OR5AK2: variants seen among roughly 807,000 people sequenced by gnomAD.
OR5AK2 encodes olfactory receptor 5AK2.
For synonymous variants in OR5AK2, 176 were observed against 128.2 expected, an observed-to-expected ratio of 1.37 and a Z score of -2.52; for missense variants, 438 against 366.3, an observed-to-expected ratio of 1.20 and a Z score of -1.60.
Position 56,988,953 on chromosome 11 carries a change from C to A in OR5AK2, c.40C>A (p.Leu14Ile), listed in dbSNP as rs1253801139. 6.2e-7 allele frequency: 1 copy of A among 1,612,676 alleles called. No individual in the cohort carries two copies. The highest frequency in any genetic ancestry group is 1.7e-5 in the Admixed American group (1 of 59,892). The change falls in exon 1 of 1, where the codon CTT becomes ATT. Residue 14 changes from leucine to isoleucine, a missense_variant. Leu to Ile is a conservative substitution (Grantham distance 5, BLOSUM62 2). Transcript: ENST00000326855. ...CAGCACTGAAGTCACTGAATTCTAT[C>A]TTCTGGGATTTGGTGCCCAGCATGA... The part of the protein sequence containing the change: ...GNSTEVTEFY[L>I]LGFGAQHEFW...
At position 56,989,325 on chromosome 11, in the gene OR5AK2, C is replaced by G. The variant is rs199648574; in HGVS notation, c.412C>G (p.Arg138Gly). The G allele has an allele frequency of 1.2e-6, 2 of 1,614,108 alleles. No individual in the cohort carries two copies. Among genetic ancestry groups the G allele is most frequent in the Non-Finnish European group, 1.7e-6 (2 of 1,179,998 alleles). The stretch of plus-strand genomic sequence containing the variant: ...CCTTCACTATACTGTAATCATGTCC[C>G]GAACAGTCTGCATCCGTTTGGTAGC... ...KPLHYTVIMS[R>G]TVCIRLVAGS... The change falls in exon 1 of 1, where the codon CGA (arginine) becomes GGA (glycine). Residue 138 changes from arginine to glycine, a missense_variant. Transcript: ENST00000326855.
Position 56,989,094 on chromosome 11 carries a change from T to G in OR5AK2, c.181T>G (p.Phe61Val), listed in dbSNP as rs774825321. The G allele has an allele frequency of 6.2e-7, 1 of 1,614,040 alleles. No homozygotes were observed. The highest frequency in any genetic ancestry group is 1.7e-5 in the Admixed American group (1 of 60,016). The change falls in exon 1 of 1, where the codon TTT (phenylalanine) becomes GTT (valine). Residue 61 changes from phenylalanine (F) to valine (V), a missense_variant. Coordinates refer to ENST00000326855, the MANE Select transcript of OR5AK2 (RefSeq NM_001005323.1). ...TTCCAGATTTCAAACACTCACGTAC[T>G]TTTTTCTACAACATTTGGCTTTTGT... ...TDSRFQTLTY[F>V]FLQHLAFVDI...
rs762434222 is a variant in OR5AK2, at chr11:56,989,668, A to G, written c.755A>G (p.Tyr252Cys). Residue 252 changes from tyrosine to cysteine, a missense_variant, in exon 1 of 1, where the codon TAT becomes TGT. Physicochemically the swap from Tyr to Cys is radical, Grantham distance 194. Coordinates refer to ENST00000326855, the MANE Select transcript of OR5AK2 (RefSeq NM_001005323.1). ...CACCTGACCGCAGTCACCATTTTCT[A>G]TGGGACACTCTCTTACATGTATTTG... ...ASHLTAVTIFYGTLSYMYLQS... is the reference protein window; with the variant it reads ...ASHLTAVTIFCGTLSYMYLQS... 2 of 1,614,084 alleles carry G rather than the reference A, an allele frequency of 1.2e-6. No homozygotes were observed. The highest frequency in any genetic ancestry group is 1.7e-5 in the Admixed American group (1 of 60,018).
rs756992931 is a variant in OR5AK2 at position 56,989,111 on chromosome 11, G to T, written c.198G>T (p.Leu66Phe). 21 of 1,613,700 alleles carry T rather than the reference G, an allele frequency of 1.3e-5. No homozygotes were observed. Among genetic ancestry groups the T allele is most frequent in the Non-Finnish European group, 1.6e-5 (19 of 1,179,792 alleles). Residue 66 changes from leucine to phenylalanine, a missense_variant, in exon 1 of 1, where the codon TTG becomes TTT. Coordinates refer to ENST00000326855, the MANE Select transcript of OR5AK2 (RefSeq NM_001005323.1). ...QTLTYFFLQH[L>F]AFVDICYTSA... ...TCACGTACTTTTTTCTACAACATTT[G>T]GCTTTTGTTGATATCTGTTACACTT...
rs762931937 is a variant in OR5AK2 at position 56,989,685 on chromosome 11, A to G, written c.772A>G (p.Met258Val). The G allele has an allele frequency of 1.4e-5, 22 of 1,614,066 alleles. No homozygotes were observed. The highest frequency in any genetic ancestry group is 1.7e-5 in the Admixed American group (1 of 60,012). The change falls in exon 1 of 1, where the codon ATG becomes GTG. Residue 258 changes from methionine (M) to valine (V), a missense_variant. Met to Val is a conservative substitution (Grantham distance 21, BLOSUM62 1). Transcript: ENST00000326855. The stretch of plus-strand genomic sequence containing the variant: ...CATTTTCTATGGGACACTCTCTTAC[A>G]TGTATTTGCAGTCTCATTCTAATAA... Reference protein sequence around the residue: ...VTIFYGTLSYMYLQSHSNNSQ... With the variant: ...VTIFYGTLSYVYLQSHSNNSQ...
In OR5AK2 at chr11:56,989,103, C is replaced by G; in HGVS notation, c.190C>G (p.Gln64Glu). The stretch of plus-strand genomic sequence containing the variant: ...TCAAACACTCACGTACTTTTTTCTA[C>G]AACATTTGGCTTTTGTTGATATCTG... ...RFQTLTYFFL[Q>E]HLAFVDICYT... Residue 64 changes from glutamine to glutamate, a missense_variant, in exon 1 of 1, where the codon CAA becomes GAA. Physicochemically the swap from Gln to Glu is conservative, Grantham distance 29 (BLOSUM62 2). Coordinates refer to ENST00000326855, the MANE Select transcript of OR5AK2 (RefSeq NM_001005323.1). 3 of 1,613,930 alleles carry G rather than the reference C, an allele frequency of 1.9e-6. No homozygotes were observed. Among genetic ancestry groups the G allele is most frequent in the Non-Finnish European group, 2.5e-6 (3 of 1,179,830 alleles).
rs754799742 is a variant in OR5AK2, at chr11:56,989,690, T to A, written c.777T>A (p.Tyr259Ter). The change falls in exon 1 of 1, where the codon TAT (tyrosine) becomes TAA (stop). Residue 259 changes from tyrosine to a stop codon, truncating the protein, a stop_gained. Coordinates refer to ENST00000326855, the MANE Select transcript of OR5AK2 (RefSeq NM_001005323.1). LOFTEE classifies it low-confidence loss of function (END_TRUNC). The stretch of plus-strand genomic sequence containing the variant: ...TCTATGGGACACTCTCTTACATGTA[T>A]TTGCAGTCTCATTCTAATAATTCCC... Reference protein sequence around the residue: ...TIFYGTLSYMYLQSHSNNSQE... With the variant: ...TIFYGTLSYM 3 of 1,614,066 alleles carry A rather than the reference T, an allele frequency of 1.9e-6. No individual in the cohort carries two copies. The highest frequency in any genetic ancestry group is 2.5e-6 in the Non-Finnish European group (3 of 1,179,932).
In OR5AK2 at chr11:56,989,331, G is replaced by C. The variant is rs751934492; in HGVS notation, c.418G>C (p.Val140Leu). The C allele has an allele frequency of 6.2e-7, 1 of 1,614,106 alleles. No individual in the cohort carries two copies. ...LHYTVIMSRT[V>L]CIRLVAGSYI... is the part of the protein sequence containing the mutation. ...CTATACTGTAATCATGTCCCGAACA[G>C]TCTGCATCCGTTTGGTAGCTGGTTC... Residue 140 changes from valine (V) to leucine (L), a missense_variant, in exon 1 of 1, where the codon GTC becomes CTC. Coordinates refer to ENST00000326855, the MANE Select transcript of OR5AK2 (RefSeq NM_001005323.1).
Position 56,989,624 on chromosome 11 carries a change from CT to C in OR5AK2, c.713del (p.Phe238SerfsTer8), listed in dbSNP as rs760760782. 3.1e-6 allele frequency: 5 copies of C among 1,614,068 alleles called. No homozygotes were observed. The highest frequency in any genetic ancestry group is 1.3e-5 in the African/African-American group (1 of 75,048). On this transcript the variant is annotated frameshift_variant, in exon 1 of 1. Transcript: ENST00000326855. LOFTEE classifies it low-confidence loss of function (END_TRUNC). ...CTTCTAGTGCAGGAAGGAAAAAATC[CT>C]TCTCAACATGTGCTTCCCACCTGAC... is the stretch of plus-strand genomic sequence containing the variant. ...MSSSAGRKKS[F>X]STCASHLTAV...
Position 56,989,649 on chromosome 11 carries a change from AC to A in OR5AK2, c.738del (p.Ala247GlnfsTer25). The A allele has an allele frequency of 6.2e-7, 1 of 1,614,024 alleles. No homozygotes were observed. Among genetic ancestry groups the A allele is most frequent in the Non-Finnish European group, 8.5e-7 (1 of 1,179,938 alleles). On this transcript the variant is annotated frameshift_variant, in exon 1 of 1. Coordinates refer to ENST00000326855, the MANE Select transcript of OR5AK2 (RefSeq NM_001005323.1). LOFTEE classifies it low-confidence loss of function (END_TRUNC). ...CTTCTCAACATGTGCTTCCCACCTG[AC>A]CGCAGTCACCATTTTCTATGGGACA... ...KSFSTCASHLTAVTIFYGTLS... is the reference protein window; with the variant it reads ...KSFSTCASHLXAVTIFYGTLS...
rs1363719587 is a variant in OR5AK2 at position 56,989,119 on chromosome 11, T to C, written c.206T>C (p.Val69Ala). Residue 69 changes from valine to alanine, a missense_variant, in exon 1 of 1, where the codon GTT becomes GCT. Coordinates refer to ENST00000326855, the MANE Select transcript of OR5AK2 (RefSeq NM_001005323.1). ...TYFFLQHLAF[V>A]DICYTSAITP... is the part of the protein sequence containing the mutation. The stretch of plus-strand genomic sequence containing the variant: ...TTTTTTCTACAACATTTGGCTTTTG[T>C]TGATATCTGTTACACTTCTGCTATC... The C allele has an allele frequency of 3.7e-6, 6 of 1,613,900 alleles. No individual in the cohort carries two copies. Among genetic ancestry groups the C allele is most frequent in the South Asian group, 1.1e-5 (1 of 91,080 alleles).
rs1861655868 is a variant in OR5AK2 at position 56,989,788 on chromosome 11, T to G, written c.875T>G (p.Leu292Trp). The change falls in exon 1 of 1, where the codon TTG (leucine) becomes TGG (tryptophan). Residue 292 changes from leucine (L) to tryptophan (W), a missense_variant. Leu to Trp is a moderately conservative substitution (Grantham distance 61). Transcript: ENST00000326855. ...ATGTTAAATCCTTTAATCTATAGCTTGAGAAATAAGGAAGTAAAAGAAGCT... is the reference window on the plus strand; with the variant it reads ...ATGTTAAATCCTTTAATCTATAGCTGGAGAAATAAGGAAGTAAAAGAAGCT... ...IPMLNPLIYS[L>W]RNKEVKEALK... is the part of the protein sequence containing the mutation. 1 of 1,608,126 alleles carries G rather than the reference T, an allele frequency of 6.2e-7. No individual in the cohort carries two copies. The highest frequency in any genetic ancestry group is 1.7e-4 in the Middle Eastern group (1 of 5,984).
rs748229343 is a variant in OR5AK2, at chr11:56,989,296, A to C, written c.383A>C (p.Lys128Thr). 6.2e-7 allele frequency: 1 copy of C among 1,614,026 alleles called. No homozygotes were observed. The highest frequency in any genetic ancestry group is 8.5e-7 in the Non-Finnish European group (1 of 1,180,004). The part of the protein sequence containing the change: ...MAVDPYVAIC[K>T]PLHYTVIMSR... ...GTGGATCCTTATGTTGCCATCTGTA[A>C]GCCCCTTCACTATACTGTAATCATG... The change falls in exon 1 of 1, where the codon AAG becomes ACG. Residue 128 changes from lysine (K) to threonine (T), a missense_variant. By Grantham distance (78) the Lys-to-Thr change is moderately conservative (BLOSUM62 -1). Transcript: ENST00000326855.
Position 56,989,463 on chromosome 11 carries a change from ATTCTTGCTCTT to A in OR5AK2, c.552_562del (p.Leu185MetfsTer5). ...TCACTTTTTCTGTGATGTTCCCCCT[ATTCTTGCTCTT>A]TCATGCTCCAATGTTGACATCAACA... On this transcript the variant is annotated frameshift_variant, in exon 1 of 1. Coordinates refer to ENST00000326855, the MANE Select transcript of OR5AK2 (RefSeq NM_001005323.1). LOFTEE classifies it low-confidence loss of function (END_TRUNC). 6.2e-7 allele frequency: 1 copy of A among 1,614,058 alleles called. No individual in the cohort carries two copies. The highest frequency in any genetic ancestry group is 1.1e-5 in the South Asian group (1 of 91,078).
chr11:56,989,571 T>C lies in OR5AK2; in HGVS notation c.658T>C (p.Tyr220His). 1 of 1,614,130 alleles carries C rather than the reference T, an allele frequency of 6.2e-7. No homozygotes were observed. Among genetic ancestry groups the C allele is most frequent in the Non-Finnish European group, 8.5e-7 (1 of 1,179,996 alleles). ...TGLVVIFSYI[Y>H]IMATILKMSS... Reference sequence around the variant, plus strand: ...GTTGGTCGTCATCTTTTCCTACATCTACATCATGGCCACCATCCTGAAAAT... The same window carrying C: ...GTTGGTCGTCATCTTTTCCTACATCCACATCATGGCCACCATCCTGAAAAT... Residue 220 changes from tyrosine (Y) to histidine (H), a missense_variant, in exon 1 of 1, where the codon TAC (tyrosine) becomes CAC (histidine). Coordinates refer to ENST00000326855, the MANE Select transcript of OR5AK2 (RefSeq NM_001005323.1).
Position 56,989,620 on chromosome 11 carries a change from A to C in OR5AK2, c.707A>C (p.Lys236Thr), listed in dbSNP as rs957380190. Residue 236 changes from lysine (K) to threonine (T), a missense_variant, in exon 1 of 1, where the codon AAA (lysine) becomes ACA (threonine). Coordinates refer to ENST00000326855, the MANE Select transcript of OR5AK2 (RefSeq NM_001005323.1). ...LKMSSSAGRK[K>T]SFSTCASHLT... ...ATGTCTTCTAGTGCAGGAAGGAAAA[A>C]ATCCTTCTCAACATGTGCTTCCCAC... 2 of 1,613,816 alleles carry C rather than the reference A, an allele frequency of 1.2e-6. No individual in the cohort carries two copies. The highest frequency in any genetic ancestry group is 1.7e-5 in the Admixed American group (1 of 59,984).
At position 56,989,134 on chromosome 11, in the gene OR5AK2, C is replaced by T. The variant is rs375461189; in HGVS notation, c.221C>T (p.Thr74Ile). The T allele has an allele frequency of 6.8e-6, 11 of 1,613,016 alleles. No homozygotes were observed. The highest frequency in any genetic ancestry group is 1.6e-4 in the Middle Eastern group (1 of 6,080). ...QHLAFVDICY[T>I]SAITPKMLQS... ...TTGGCTTTTGTTGATATCTGTTACA[C>T]TTCTGCTATCACTCCCAAGATGCTC... The change falls in exon 1 of 1, where the codon ACT (threonine) becomes ATT (isoleucine). Residue 74 changes from threonine to isoleucine, a missense_variant. Transcript: ENST00000326855.
chr11:56,989,794 A>T lies in OR5AK2; in HGVS notation c.881A>T (p.Asn294Ile). The change falls in exon 1 of 1, where the codon AAT (asparagine) becomes ATT (isoleucine). Residue 294 changes from asparagine to isoleucine, a missense_variant. By Grantham distance (149) the Asn-to-Ile change is moderately radical (BLOSUM62 -3). Coordinates refer to ENST00000326855, the MANE Select transcript of OR5AK2 (RefSeq NM_001005323.1). ...MLNPLIYSLRNKEVKEALKVI... is the reference protein window; with the variant it reads ...MLNPLIYSLRIKEVKEALKVI... ...AATCCTTTAATCTATAGCTTGAGAA[A>T]TAAGGAAGTAAAAGAAGCTTTAAAA... is the stretch of plus-strand genomic sequence containing the variant. The T allele has an allele frequency of 6.2e-7, 1 of 1,606,954 alleles. No individual in the cohort carries two copies. The highest frequency in any genetic ancestry group is 1.7e-5 in the Admixed American group (1 of 58,496).
Position 56,989,100 on chromosome 11 carries a change from C to T in OR5AK2, c.187C>T (p.Leu63=). ...ATTTCAAACACTCACGTACTTTTTT[C>T]TACAACATTTGGCTTTTGTTGATAT... is the stretch of plus-strand genomic sequence containing the variant. The part of the protein sequence containing the change: ...SRFQTLTYFF[L]QHLAFVDICY... The change falls in exon 1 of 1, where the codon CTA becomes TTA. Residue 63 remains leucine, a synonymous_variant. Transcript: ENST00000326855. 1 of 1,613,962 alleles carries T rather than the reference C, an allele frequency of 6.2e-7. No homozygotes were observed. The highest frequency in any genetic ancestry group is 8.5e-7 in the Non-Finnish European group (1 of 1,179,906).
Sources: gnomAD v4.1 joint callset for allele counts on GRCh38, gnomAD v4.1.1 for gene constraint, MANE v1.5 for transcripts, NCBI Gene and HGNC (gene_info 2026-07-23, HGNC 2026-07-21) for gene names.